Variants in FNTB observed in about 807,000 individuals in gnomAD.
FNTB encodes protein farnesyltransferase subunit beta.
Under a neutral mutation model 59.4 loss-of-function variants are expected in FNTB, and 27 were observed. The ratio of observed to expected loss-of-function variants is 0.45; its 90% CI spans 0.34 to 0.63. FNTB has a LOEUF of 0.63. FNTB is among the 20% of genes least tolerant of loss of function. FNTB has a pLI of 0.02. For missense variants in FNTB, 449 were observed against 559.6 expected (o/e 0.80, Z 1.99); for synonymous variants, 230 against 220.7 (o/e 1.04, Z -0.37).
chr14:64,999,652 TA>T (rs562126108), intron 1 of FNTB, among the ~76,000 whole-genome samples: 1 of 151,994 alleles, frequency 6.6e-6, no homozygotes, highest in Non-Finnish European at 1.5e-5. Context: ...ATAAAGCTGT[TA>T]AAAAAATACA....
chr14:65,027,543 A>C lies in FNTB; in HGVS notation c.465A>C (p.Ala155=), dbSNP rs1298434058. The change falls in exon 5 of 12, where the codon GCA becomes GCC. Residue 155 remains alanine, a synonymous_variant. Transcript: ENST00000246166. The surrounding 1 kb of genome is among the most constrained non-coding windows in gnomAD (Gnocchi z 5.7). ...ATCCACACCTTGCACCCACATATGC[A>C]GCAGTCAATGCATTGTGCATCATTG... The part of the protein sequence containing the change: ...GQYPHLAPTY[A]AVNALCIIGT... 1 of 1,614,208 alleles carries C rather than the reference A, an allele frequency of 6.2e-7. No individual in the cohort carries two copies. The highest frequency in any genetic ancestry group is 1.1e-5 in the South Asian group (1 of 91,088).
intron 4 of FNTB, chr14:65,022,108 T>C: frequency 2.2e-6 from 1 of 455,774 alleles, no homozygotes; most frequent in Admixed American, 2.3e-5. Context: ...TCCATTGTCA[T>C]ATTCTACCTA....
chr14:65,018,979 G>A (rs536428022), intron 4 of FNTB, among the ~76,000 whole-genome samples: 6 of 151,852 alleles, frequency 4.0e-5, no homozygotes, highest in African/African-American at 7.3e-5. Context: ...GCGTGGTGGC[G>A]CATGCCTGTA....
intron 1 of FNTB, among the ~76,000 whole-genome samples, chr14:64,998,096 A>G (rs1888470788): frequency 6.6e-6 from 1 of 152,188 alleles, no homozygotes; most frequent in Admixed American, 6.5e-5. Flanking sequence ...AAGGTTTGTT[A>G]TCTTTGTTTA....
At position 64,990,264 on chromosome 14, in the gene FNTB, T is replaced by C. The variant is rs769503742; in HGVS notation, c.144+3167T>C. The stretch of plus-strand genomic sequence containing the variant: ...TACTGCCCCAGATTCACTTGGCCCT[T>C]TTCTAGCCTGCTCTGTAGATGTGCC... On this transcript the variant is annotated intron_variant, in intron 1 of 11. Transcript: ENST00000246166. The surrounding 1 kb of genome is among the most constrained non-coding windows in gnomAD (Gnocchi z 5.2). Among the ~76,000 whole-genome samples, 8 of 152,206 alleles carry C rather than the reference T, an allele frequency of 5.3e-5. No homozygotes were observed. The highest frequency in any genetic ancestry group is 1.0e-4 in the Non-Finnish European group (7 of 68,032).
chr14:65,061,130 T>G (rs1174751065), intron 11 of FNTB, 51 bp from the exon 12 acceptor site: 1 of 1,602,616 alleles, frequency 6.2e-7, no homozygotes, highest in East Asian at 2.2e-5. Context: ...ATGTGTTATG[T>G]TTTCAAGGAC....
intron 4 of FNTB, among the ~76,000 whole-genome samples, chr14:65,024,094 T>G (rs1296199336): frequency 6.8e-6 from 1 of 146,524 alleles, no homozygotes; most frequent in African/African-American, 2.5e-5. Context: ...AGAGGGACAC[T>G]CCATCTCCTA....
chr14:65,049,000 G>T (rs1311720454), intron 9 of FNTB, among the ~76,000 whole-genome samples: 1 of 152,078 alleles, frequency 6.6e-6, no homozygotes, highest in African/African-American at 2.4e-5. Context: ...GTGCCACGTT[G>T]CCTGTAATCC....
intron 1 of FNTB, among the ~76,000 whole-genome samples, chr14:65,000,815 CAA>C (rs59420832): frequency 0.087 from 3,169 of 36,290 alleles, 103 homozygotes; most frequent in Non-Finnish European, 0.14. Context: ...GACTCCGTCT[CAA>C]AAAAAAAAAA....
chr14:65,006,173 T>G (rs1555390164), intron 2 of FNTB: 5 of 1,598,432 alleles, frequency 3.1e-6, no homozygotes, highest in East Asian at 4.5e-5. Context: ...TTTTTTTTTT[T>G]GCCACCATTT....
rs1326899728 is a variant in FNTB, at chr14:64,994,477, C to T, written c.144+7380C>T. ...GTAGATGGCATAGCCTACTACACACCTAGGCTATATGGTATAGCTTGTTGC... is the reference window on the plus strand; with the variant it reads ...GTAGATGGCATAGCCTACTACACACTTAGGCTATATGGTATAGCTTGTTGC... On this transcript the variant is annotated intron_variant, in intron 1 of 11. Transcript: ENST00000246166. This position sits in a 1 kb window ranked among gnomAD's most constrained non-coding sequence, Gnocchi z 4.2. Among the ~76,000 whole-genome samples the T allele has an allele frequency of 1.3e-5, 2 of 152,100 alleles. No individual in the cohort carries two copies. The highest frequency in any genetic ancestry group is 2.9e-5 in the Non-Finnish European group (2 of 68,024).
intron 7 of FNTB, among the ~76,000 whole-genome samples, chr14:65,039,855 AAAAC>A (rs2062305826): frequency 6.6e-6 from 1 of 152,210 alleles, no homozygotes; most frequent in African/African-American, 2.4e-5. Flanking sequence ...AACAAATAGA[AAAAC>A]AAAAAGGAAA....
At position 65,054,864 on chromosome 14, in the gene FNTB, AC is replaced by A. The variant is rs1428848218; in HGVS notation, c.1182+177del. ...GAGGATGTGACCACAGAGGAGACGC[AC>A]CTCTGGGCAAGCTCAGGGTTCCAGA... On this transcript the variant is annotated intron_variant, in intron 11 of 11. Transcript: ENST00000246166. This position sits in a 1 kb window ranked among gnomAD's most constrained non-coding sequence, Gnocchi z 4.4. Among the ~76,000 whole-genome samples the A allele has an allele frequency of 1.1e-4, 16 of 152,172 alleles. No individual in the cohort carries two copies. The highest frequency in any genetic ancestry group is 2.2e-4 in the Non-Finnish European group (15 of 68,024).
chr14:65,036,072 A>G (rs193214823), intron 7 of FNTB, among the ~76,000 whole-genome samples: 7 of 152,018 alleles, frequency 4.6e-5, no homozygotes, highest in East Asian at 1.9e-4. Context: ...GTTTCAAGCA[A>G]TCTTCCTGCC....
chr14:65,046,945 T>C (rs984681893), intron 9 of FNTB, among the ~76,000 whole-genome samples: 1 of 152,046 alleles, frequency 6.6e-6, no homozygotes, highest in Non-Finnish European at 1.5e-5. Context: ...ACAGGGAAAT[T>C]CTACAAACAA....
rs1290626801 is a variant in FNTB at position 65,011,623 on chromosome 14, G to A, written c.210-694G>A. Among the ~76,000 whole-genome samples, 1 of 152,190 alleles carries A rather than the reference G, an allele frequency of 6.6e-6. No individual in the cohort carries two copies. The highest frequency in any genetic ancestry group is 2.4e-5 in the African/African-American group (1 of 41,444). The stretch of plus-strand genomic sequence containing the variant: ...TTTTGTTTCCTTCCCTAGTCACACA[G>A]GCTCTTCTGCCAGACCAAGAAAGAA... On this transcript the variant is annotated intron_variant, in intron 2 of 11. Transcript: ENST00000246166. This position sits in a 1 kb window ranked among gnomAD's most constrained non-coding sequence, Gnocchi z 4.0.
At chr14:65,050,627 G>C (rs145339556) in intron 9 of FNTB, among the ~76,000 whole-genome samples, 1 of 152,272 alleles carries the variant, frequency 6.6e-6, no homozygotes, top group East Asian at 1.9e-4. Context: ...GCTGGAGGTG[G>C]TATAGCAAAA....
chr14:65,041,202 A>T (rs577038290), intron 8 of FNTB, among the ~76,000 whole-genome samples: 2 of 152,334 alleles, frequency 1.3e-5, no homozygotes, highest in Admixed American at 1.3e-4. Context: ...AGTTTCGTAG[A>T]ATTAGAGGTT....
At chr14:65,060,870 C>CAAA (rs58241887) in intron 11 of FNTB, among the ~76,000 whole-genome samples, 35 of 79,570 alleles carry the variant, frequency 4.4e-4, no homozygotes, top group Non-Finnish European at 6.3e-4. Context: ...AAGACTCTCT[C>CAAA]AAAAAAAAAA....
Sources: allele counts gnomAD v4.1 joint callset (sites outside exome capture counted in the v4.1 genomes callset), GRCh38; gene constraint gnomAD v4.1.1; non-coding constraint Gnocchi (gnomAD v3.1); transcripts MANE v1.5; gene names NCBI Gene and HGNC (gene_info 2026-07-23, HGNC 2026-07-21).